Variants in CNTNAP2 observed in about 807,000 individuals in gnomAD.
CNTNAP2 encodes the protein contactin associated protein 2, also known as contactin-associated protein-like 2.
Under a neutral mutation model 155.2 loss-of-function variants are expected in CNTNAP2, and 98 were observed. That is an observed-to-expected ratio of 0.63 (90% confidence interval 0.54 to 0.75). The LOEUF (loss-of-function observed/expected upper bound fraction) is 0.75, where lower values mean the gene tolerates loss of function less well. Among genes scored for constraint, CNTNAP2 ranks in the 30% least tolerant of loss-of-function variants. The pLI is 0.00. For synonymous variants in CNTNAP2, 651 were observed against 631.2 expected, an observed-to-expected ratio of 1.03 and a Z score of -0.47; for missense variants, 1,727 against 1,688.1, an observed-to-expected ratio of 1.02 and a Z score of -0.40.
chr7:146,960,967 C>G (rs1797546925), intron 3 of CNTNAP2, among the ~76,000 whole-genome samples: 1 of 152,138 alleles, frequency 6.6e-6, no homozygotes. Context: ...TGAATTCTTT[C>G]TCCTTTTCTA....
chr7:147,845,175 A>G (rs1412920613), intron 13 of CNTNAP2, among the ~76,000 whole-genome samples: 1 of 100,802 alleles, frequency 9.9e-6, no homozygotes, highest in Non-Finnish European at 2.0e-5. Flanking sequence ...GAATGGTACC[A>G]GTTCCTCCTT....
At chr7:147,726,118 G>A (rs1563066601) in intron 13 of CNTNAP2, among the ~76,000 whole-genome samples, 2 of 152,020 alleles carry the variant, frequency 1.3e-5, no homozygotes, top group African/African-American at 2.4e-5. Flanking sequence ...GGGGGATAAC[G>A]AGAGCTGTTA....
rs979729200 is a variant in CNTNAP2, at chr7:148,420,630, G to T, written c.*5014G>T. ...AAGTCTCAGTTAATTTACAGCAACT[G>T]CTGCTTTCGGAGATGGCTGTGAAAA... is the stretch of plus-strand genomic sequence containing the variant. On this transcript the variant is annotated 3_prime_UTR_variant, in exon 24 of 24. Transcript: ENST00000361727. 2 of 152,398 alleles carry T rather than the reference G, an allele frequency of 1.3e-5. No individual in the cohort carries two copies. Among genetic ancestry groups the T allele is most frequent in the African/African-American group, 4.8e-5 (2 of 41,452 alleles). The allele number at this position is 152,398 out of a possible 1,614,324, so 9.4% of individuals were successfully genotyped here. A position where few individuals can be genotyped will look rare whatever the true frequency, so the allele number is the denominator to read the frequency against.
intron 1 of CNTNAP2, among the ~76,000 whole-genome samples, chr7:146,428,422 T>C (rs1196879157): frequency 1.3e-5 from 2 of 152,152 alleles, no homozygotes; most frequent in Non-Finnish European, 2.9e-5. Context: ...GTTTTTTGAC[T>C]TTTTAATAGT....
intron 1 of CNTNAP2, among the ~76,000 whole-genome samples, chr7:146,246,236 T>TGC (rs1563006028): frequency 8.0e-5 from 12 of 149,278 alleles, no homozygotes; most frequent in African/African-American, 3.0e-4. Flanking sequence ...TGGGTTAAGG[T>TGC]GGGGTAATAC....
intron 2 of CNTNAP2, among the ~76,000 whole-genome samples, chr7:146,809,652 C>T (rs1255711555): frequency 2.6e-5 from 4 of 152,176 alleles, no homozygotes; most frequent in Admixed American, 1.3e-4. Flanking sequence ...GCTTGAGCCA[C>T]TGCACTTGGT....
At chr7:146,671,452 C>T (rs927990041) in intron 1 of CNTNAP2, among the ~76,000 whole-genome samples, 99 of 148,368 alleles carry the variant, frequency 6.7e-4, no homozygotes, top group African/African-American at 2.4e-3. Flanking sequence ...CACACACACA[C>T]GGACACACAT....
intron 21 of CNTNAP2, among the ~76,000 whole-genome samples, chr7:148,324,181 G>A (rs932721929): frequency 7.9e-5 from 12 of 151,912 alleles, no homozygotes; most frequent in Admixed American, 2.6e-4. Flanking sequence ...CACCACACCT[G>A]GCCTCTGAAA....
At chr7:147,778,072 A>G (rs964162048) in intron 13 of CNTNAP2, among the ~76,000 whole-genome samples, 1 of 152,176 alleles carries the variant, frequency 6.6e-6, no homozygotes, top group African/African-American at 2.4e-5. Flanking sequence ...AGGAATTTGC[A>G]GATAATAGGA....
At chr7:147,310,080 G>T (rs1359940459) in intron 9 of CNTNAP2, among the ~76,000 whole-genome samples, 4 of 152,100 alleles carry the variant, frequency 2.6e-5, no homozygotes, top group African/African-American at 9.7e-5. Flanking sequence ...TTGGAGATTG[G>T]AAAGTATTTA....
At chr7:147,301,085 C>A (rs1794937608) in intron 9 of CNTNAP2, among the ~76,000 whole-genome samples, 1 of 152,132 alleles carries the variant, frequency 6.6e-6, no homozygotes, top group Non-Finnish European at 1.5e-5. Context: ...AAGGGGATTT[C>A]ACAAGGGCAT....
chr7:147,066,086 AG>A lies in CNTNAP2; in HGVS notation c.550+22033del, dbSNP rs564319446. Among the ~76,000 whole-genome samples, 130 of 152,318 alleles carry A rather than the reference AG, an allele frequency of 8.5e-4. 1 individual carries two copies. The Middle Eastern group carries it at 0.01, about 12-fold the overall frequency. ...GTTAATTCAGAGGTCTAAAAGCAAA[AG>A]CTTGATATCTGCAACAGGAGCTTGA... On this transcript the variant is annotated intron_variant, in intron 4 of 23. Transcript: ENST00000361727.
At chr7:147,811,664 A>G (rs1005104623) in intron 13 of CNTNAP2, among the ~76,000 whole-genome samples, 8 of 152,180 alleles carry the variant, frequency 5.3e-5, no homozygotes, top group African/African-American at 1.9e-4. Context: ...GAGGAGCTTG[A>G]AAACACTGTA....
intron 3 of CNTNAP2, among the ~76,000 whole-genome samples, chr7:147,033,537 T>G: frequency 6.6e-6 from 1 of 152,052 alleles, no homozygotes. Flanking sequence ...ATATGGTTTT[T>G]AACTACCAAT....
chr7:146,725,823 G>A lies in CNTNAP2; in HGVS notation c.98-48448G>A, dbSNP rs73740822. ...CCCAACCAATTAGCAAGCTCCCATT[G>A]CCAGGTCACCCCCTTTCTTCCACCA... On this transcript the variant is annotated intron_variant, in intron 1 of 23. Transcript: ENST00000361727. Among the ~76,000 whole-genome samples the A allele has an allele frequency of 9.8e-3, 1,488 of 152,170 alleles. 29 individuals carry two copies. The highest frequency in any genetic ancestry group is 0.034 in the African/African-American group (1,416 of 41,504).
chr7:146,985,308 A>ATTTT lies in CNTNAP2; in HGVS notation c.403-58573_403-58570dup, dbSNP rs71165057. Among the ~76,000 whole-genome samples, 948 of 127,606 alleles carry ATTTT rather than the reference A, an allele frequency of 7.4e-3. 43 individuals are homozygous for ATTTT. The highest frequency in any genetic ancestry group is 0.028 in the African/African-American group (898 of 31,796). The allele number at this position is 127,606 out of a possible 152,430, so 83.7% of individuals were successfully genotyped here. Reference sequence around the variant, plus strand: ...CAAAGTGCTTGTGGAAAATGCTTGAATTTTTTTTTTTTTTTTTTTTTTTTT... The same window carrying ATTTT: ...CAAAGTGCTTGTGGAAAATGCTTGAATTTTTTTTTTTTTTTTTTTTTTTTTTTTT... On this transcript the variant is annotated intron_variant, in intron 3 of 23. Transcript: ENST00000361727.
chr7:147,417,180 C>T (rs1479204429), intron 10 of CNTNAP2, among the ~76,000 whole-genome samples: 1 of 151,904 alleles, frequency 6.6e-6, no homozygotes, highest in Non-Finnish European at 1.5e-5. Context: ...GGTTATGTAT[C>T]ACAGAGGCTT....
At position 148,353,815 on chromosome 7, in the gene CNTNAP2, G is replaced by A. The variant is rs538415812; in HGVS notation, c.3476-29834G>A. Reference sequence around the variant, plus strand: ...GGCATTTAAAATAAGTACATTTTTGGGGTACAAATTATACCTCAATGAAGT... The same window carrying A: ...GGCATTTAAAATAAGTACATTTTTGAGGTACAAATTATACCTCAATGAAGT... On this transcript the variant is annotated intron_variant, in intron 21 of 23. Coordinates refer to ENST00000361727, the MANE Select transcript of CNTNAP2 (RefSeq NM_014141.6). Among the ~76,000 whole-genome samples the A allele has an allele frequency of 2.6e-5, 4 of 152,166 alleles. No individual in the cohort carries two copies. In the South Asian group the frequency reaches 8.3e-4, roughly 32 times the overall value.
At chr7:147,862,765 T>C (rs1799158314) in intron 13 of CNTNAP2, among the ~76,000 whole-genome samples, 1 of 152,150 alleles carries the variant, frequency 6.6e-6, no homozygotes, top group African/African-American at 2.4e-5. Flanking sequence ...GTCTTATTAC[T>C]GTCATTTGGA....
Sources: gnomAD v4.1 joint callset for allele counts (sites outside exome capture counted in the v4.1 genomes callset) on GRCh38, gnomAD v4.1.1 for gene constraint, MANE v1.5 for transcripts, NCBI Gene and HGNC (gene_info 2026-07-23, HGNC 2026-07-21) for gene names.